The following SAFB variants were observed in gnomAD, a reference collection of about 807,000 sequenced individuals.
SAFB encodes the protein scaffold attachment factor B1.
A neutral mutation model predicts 101.6 loss-of-function variants in SAFB; 15 were observed. That is an observed-to-expected ratio of 0.15 (90% confidence interval 0.10 to 0.23). The LOEUF (loss-of-function observed/expected upper bound fraction) is 0.23, where lower values mean the gene tolerates loss of function less well. Ranked by LOEUF, SAFB falls within the 10% of genes least tolerant of loss-of-function variation. The pLI is 1.00. For missense variants in SAFB, 930 were observed against 1,104.1 expected, an observed-to-expected ratio of 0.84 and a Z score of 2.23; for synonymous variants, 449 against 407.5, an observed-to-expected ratio of 1.10 and a Z score of -1.23.
At chr19:5,629,916 C>T (rs1051819466) in intron 2 of SAFB, among the ~76,000 whole-genome samples, 1 of 152,084 alleles carries the variant, frequency 6.6e-6, no homozygotes, top group Non-Finnish European at 1.5e-5. Flanking sequence ...GTGGTGGGCG[C>T]CTGTAATCCA....
intron 14 of SAFB, among the ~76,000 whole-genome samples, chr19:5,659,813 G>A (rs1306809626): frequency 5.3e-5 from 8 of 152,142 alleles, no homozygotes; most frequent in East Asian, 3.9e-4. Context: ...GGAGCCTGCC[G>A]TGCTAAACAC....
Position 5,623,167 on chromosome 19 carries a change from G to C in SAFB, c.-39G>C, listed in dbSNP as rs751776102. On this transcript the variant is annotated 5_prime_UTR_variant, in exon 1 of 21. Transcript: ENST00000588852. ...CTAGGAGCCTGATAAAACCGGCCCG[G>C]TTCTGTGGAAAGTGGGCGGCGGAGC... 11 of 1,549,536 alleles carry C rather than the reference G, an allele frequency of 7.1e-6. No individual in the cohort carries two copies. Among genetic ancestry groups the C allele is most frequent in the Non-Finnish European group, 8.7e-7 (1 of 1,145,956 alleles).
chr19:5,627,783 G>C lies in SAFB; in HGVS notation c.274+1294G>C, dbSNP rs534199902. Among the ~76,000 whole-genome samples, 3 of 152,124 alleles carry C rather than the reference G, an allele frequency of 2.0e-5. No individual in the cohort carries two copies. In the South Asian group the frequency reaches 6.2e-4, roughly 32 times the overall value. ...TGATCCATCCCACCAATAGCAACTC[G>C]TCTCCTTGGGTCCTCTGTCCTCCCG... is the stretch of plus-strand genomic sequence containing the variant. On this transcript the variant is annotated intron_variant, in intron 2 of 20. Transcript: ENST00000588852.
chr19:5,634,828 A>G lies in SAFB; in HGVS notation c.275-6766A>G, dbSNP rs1055974539. Among the ~76,000 whole-genome samples the G allele has an allele frequency of 2.6e-5, 4 of 152,130 alleles. No individual in the cohort carries two copies. In the East Asian group the frequency reaches 5.8e-4, roughly 22 times the overall value. ...TTGAAATGACATAAGATTTTTGCCTATCAAACTGGTAAAAATTTACACAGT... is the reference window on the plus strand; with the variant it reads ...TTGAAATGACATAAGATTTTTGCCTGTCAAACTGGTAAAAATTTACACAGT... On this transcript the variant is annotated intron_variant, in intron 2 of 20. Coordinates refer to ENST00000588852, the MANE Select transcript of SAFB (RefSeq NM_001201338.2).
chr19:5,653,529 T>C, intron 11 of SAFB, 109 bp downstream of exon 11: 1 of 906,496 alleles, frequency 1.1e-6, no homozygotes. Flanking sequence ...TGCAGTGGTG[T>C]GATCTCGGCT....
At chr19:5,652,159 C>CTCCA (rs2053953271) in intron 9 of SAFB, among the ~76,000 whole-genome samples, 1 of 151,812 alleles carries the variant, frequency 6.6e-6, no homozygotes, top group South Asian at 2.1e-4. Flanking sequence ...TGCCACTGCA[C>CTCCA]TCCAGCCTGG....
In SAFB at chr19:5,623,258, C is replaced by T. The variant is rs1454001957; in HGVS notation, c.53C>T (p.Ala18Val). The change falls in exon 1 of 21, where the codon GCT (alanine) becomes GTT (valine). Residue 18 changes from alanine (A) to valine (V), a missense_variant. Physicochemically the swap from Ala to Val is moderately conservative, Grantham distance 64. This residue lies in a region of SAFB where 44 missense variants were observed against 35.8 expected (regional missense o/e 1.23). Coordinates refer to ENST00000588852, the MANE Select transcript of SAFB (RefSeq NM_001201338.2). ...LGDSGAAGAA[A>V]LSSASSETGT... is the part of the protein sequence containing the mutation. ...GATTCTGGAGCGGCGGGCGCGGCGG[C>T]TCTGAGCTCCGCCTCGTCAGAGACC... is the stretch of plus-strand genomic sequence containing the variant. The T allele has an allele frequency of 1.9e-6, 3 of 1,582,918 alleles. No homozygotes were observed. Among genetic ancestry groups the T allele is most frequent in the Admixed American group, 1.8e-5 (1 of 55,042 alleles).
At position 5,650,010 on chromosome 19, in the gene SAFB, A is replaced by G. The variant is rs1053486372; in HGVS notation, c.1198+35A>G. 3.2e-6 allele frequency: 5 copies of G among 1,556,606 alleles called. No homozygotes were observed. In the African/African-American group the frequency reaches 6.8e-5, roughly 21 times the overall value. ...CTCGGCGACACCAGTCCCTTGGAGC[A>G]TGTATGGCCTGGGCAGTGGCGGGTA... is the stretch of plus-strand genomic sequence containing the variant. On this transcript the variant is annotated intron_variant, in intron 8 of 20. Transcript: ENST00000588852.
intron 2 of SAFB, 110 bp from the exon 3 acceptor site, chr19:5,641,484 G>A (rs1036776726): frequency 1.2e-6 from 1 of 841,998 alleles, no homozygotes; most frequent in South Asian, 1.5e-5. Flanking sequence ...CCTAAGTAGT[G>A]AGGTGTCTCA....
intron 14 of SAFB, among the ~76,000 whole-genome samples, chr19:5,658,798 G>T (rs527299001): frequency 4.7e-5 from 7 of 150,272 alleles, no homozygotes; most frequent in African/African-American, 1.7e-4. Context: ...AGCCAAGATC[G>T]CGCCACTGCA....
intron 15 of SAFB, among the ~76,000 whole-genome samples, chr19:5,663,329 A>G (rs1599386499): frequency 6.6e-6 from 1 of 152,216 alleles, no homozygotes; most frequent in Non-Finnish European, 1.5e-5. Context: ...TCTCAAACAT[A>G]CTGAAGAGGA....
intron 14 of SAFB, among the ~76,000 whole-genome samples, chr19:5,658,011 T>G (rs1194843997): frequency 6.6e-6 from 1 of 151,326 alleles, no homozygotes; most frequent in Non-Finnish European, 1.5e-5. Context: ...GAGGGCTTCC[T>G]TTTTTTTTGA....
chr19:5,657,790 G>A lies in SAFB; in HGVS notation c.1862+443G>A, dbSNP rs143131001. On this transcript the variant is annotated intron_variant, in intron 14 of 20. Transcript: ENST00000588852. ...TCCACCTGCCTTGGCCTCCCAAAGTGCCAGGATTACAGACGTGAGCCACTG... is the reference window on the plus strand; with the variant it reads ...TCCACCTGCCTTGGCCTCCCAAAGTACCAGGATTACAGACGTGAGCCACTG... 7.1e-3 allele frequency among the ~76,000 whole-genome samples: 1,080 copies of A among 152,254 alleles called. 7 individuals carry two copies. The highest frequency in any genetic ancestry group is 0.01 in the Non-Finnish European group (699 of 68,022).
At chr19:5,627,321 G>T (rs2053388180) in intron 2 of SAFB, among the ~76,000 whole-genome samples, 1 of 151,562 alleles carries the variant, frequency 6.6e-6, no homozygotes, top group Admixed American at 6.6e-5. Flanking sequence ...AAAAAAAAAA[G>T]TACCTAGGCG....
chr19:5,649,551 TG>T lies in SAFB; in HGVS notation c.1148+53del, dbSNP rs1253842373. 3.5e-5 allele frequency: 13 copies of T among 373,296 alleles called. No individual in the cohort carries two copies. In the South Asian group the frequency reaches 3.9e-4, roughly 11 times the overall value. 23.1% of individuals were successfully genotyped at this position (373,296 alleles called of 1,614,324 possible). A position where few individuals can be genotyped will look rare whatever the true frequency, so the allele number is the denominator to read the frequency against. On this transcript the variant is annotated intron_variant, in intron 7 of 20. Transcript: ENST00000588852. ...GACGCTATCTCCTTTTCATTGGTCA[TG>T]TAATGACACACATAAGCTGTTTTTT...
At chr19:5,626,532 T>C in intron 2 of SAFB, 43 bp downstream of exon 2, 1 of 1,173,318 alleles carries the variant, frequency 8.5e-7, no homozygotes, top group Non-Finnish European at 1.3e-6. Flanking sequence ...AAGTGCTTTC[T>C]TCAAAACGAA....
chr19:5,654,480 G>A (rs913904297), intron 13 of SAFB, 24 bp downstream of exon 13: 2 of 1,340,152 alleles, frequency 1.5e-6, no homozygotes, highest in East Asian at 2.3e-5. Flanking sequence ...TTCTAACTAG[G>A]GTATTTTGCT....
chr19:5,641,008 C>T (rs2053699499), intron 2 of SAFB, among the ~76,000 whole-genome samples: 1 of 151,256 alleles, frequency 6.6e-6, no homozygotes, highest in African/African-American at 2.4e-5. Context: ...CGGCTCAGTG[C>T]AACCTCCGCC....
chr19:5,653,696 C>A lies in SAFB; in HGVS notation c.1526+276C>A, dbSNP rs547724244. Among the ~76,000 whole-genome samples, 16 of 151,874 alleles carry A rather than the reference C, an allele frequency of 1.1e-4. No individual in the cohort carries two copies. The South Asian group carries it at 3.3e-3, about 32-fold the overall frequency. ...GCCAGGCTGGTCTTGAACTCCTGACCTTGTGATCCGCCTGCCTCGGCCTCC... is the reference window on the plus strand; with the variant it reads ...GCCAGGCTGGTCTTGAACTCCTGACATTGTGATCCGCCTGCCTCGGCCTCC... On this transcript the variant is annotated intron_variant, in intron 11 of 20. Transcript: ENST00000588852.
Sources: allele counts gnomAD v4.1 joint callset (sites outside exome capture counted in the v4.1 genomes callset), GRCh38; gene constraint gnomAD v4.1.1; regional missense constraint gnomAD v4.1.1; transcripts MANE v1.5; gene names NCBI Gene and HGNC (gene_info 2026-07-23, HGNC 2026-07-21).